ELAVL1: variants seen among roughly 807,000 people sequenced by gnomAD.
ELAVL1 encodes ELAV-like protein 1.
ELAVL1 carries 1 observed loss-of-function variant against 28.4 expected under a neutral mutation model. The observed-to-expected ratio is 0.04, with a 90% confidence interval of 0.01 to 0.17. ELAVL1 has a LOEUF of 0.17. Among genes scored for constraint, ELAVL1 ranks in the 10% least tolerant of loss-of-function variants. The pLI is 1.00. For missense variants in ELAVL1, 157 were observed against 447.2 expected, an observed-to-expected ratio of 0.35 and a Z score of 5.85; for synonymous variants, 174 against 183.5, an observed-to-expected ratio of 0.95 and a Z score of 0.42.
rs558880143 is a variant in ELAVL1, at chr19:7,964,329, T to A, written c.657-522A>T. ...TAGAGCACGCCTTTGCCAGGGCCACTTGTAGGGCACAAGAATTCCTTCCCA... is the reference window on the plus strand; with the variant it reads ...TAGAGCACGCCTTTGCCAGGGCCACATGTAGGGCACAAGAATTCCTTCCCA... On this transcript the variant is annotated intron_variant, in intron 5 of 5. Coordinates refer to ENST00000407627, the MANE Select transcript of ELAVL1 (RefSeq NM_001419.3). 1.6e-4 allele frequency among the ~76,000 whole-genome samples: 24 copies of A among 152,238 alleles called. No homozygotes were observed. The South Asian group carries it at 2.7e-3, about 17-fold the overall frequency.
chr19:7,975,930 C>G (rs1033418720), intron 3 of ELAVL1, among the ~76,000 whole-genome samples: 2 of 151,886 alleles, frequency 1.3e-5, no homozygotes, highest in Admixed American at 6.6e-5. Context: ...AAGACCCCAT[C>G]TCTACAAAAA....
Position 7,960,590 on chromosome 19 carries a change from C to T in ELAVL1, c.*2893G>A, listed in dbSNP as rs901452348. 3 of 152,538 alleles carry T rather than the reference C, an allele frequency of 2.0e-5. No homozygotes were observed. The highest frequency in any genetic ancestry group is 1.9e-4 in the East Asian group (1 of 5,202). 9.4% of individuals were successfully genotyped at this position (152,538 alleles called of 1,614,324 possible). On this transcript the variant is annotated 3_prime_UTR_variant, in exon 6 of 6. Transcript: ENST00000407627. ...TCATCAGGAAGCAGGTTCACAAATT[C>T]GGAGCTGCCTGGGGTCTAACTACCA...
chr19:7,967,999 C>T (rs1984999940), intron 4 of ELAVL1, among the ~76,000 whole-genome samples: 1 of 152,166 alleles, frequency 6.6e-6, no homozygotes, highest in Non-Finnish European at 1.5e-5. Context: ...ACTTTCTTCC[C>T]GGCTGAAGCC....
chr19:7,976,350 C>T (rs1322377019), intron 3 of ELAVL1, among the ~76,000 whole-genome samples: 3 of 151,136 alleles, frequency 2.0e-5, no homozygotes, highest in East Asian at 1.9e-4. Context: ...TGCAGTGAGC[C>T]GAGATCGCGC....
chr19:7,995,798 A>T (rs1441999501), intron 1 of ELAVL1, among the ~76,000 whole-genome samples: 2 of 150,354 alleles, frequency 1.3e-5, no homozygotes, highest in Non-Finnish European at 3.0e-5. Flanking sequence ...AAAAAAAAAA[A>T]TGGATAAACT....
chr19:7,977,472 T>C (rs1291379701), intron 3 of ELAVL1, among the ~76,000 whole-genome samples: 2 of 152,148 alleles, frequency 1.3e-5, no homozygotes, highest in Admixed American at 1.3e-4. Context: ...CAGCCTTTGA[T>C]AAGCACTGGC....
At chr19:8,001,596 T>G (rs2145231367) in intron 1 of ELAVL1, among the ~76,000 whole-genome samples, 1 of 152,296 alleles carries the variant, frequency 6.6e-6, no homozygotes, top group South Asian at 2.1e-4. Context: ...TCTCCTGTGA[T>G]TCCTTCCCCT....
intron 4 of ELAVL1, 107 bp from the exon 5 acceptor site, chr19:7,967,897 G>A: frequency 8.0e-7 from 1 of 1,242,630 alleles, no homozygotes; most frequent in Non-Finnish European, 1.1e-6. Flanking sequence ...CTAGAAGTCT[G>A]GTTAAGGAAA....
At chr19:7,972,126 G>A (rs967423440) in intron 4 of ELAVL1, among the ~76,000 whole-genome samples, 5 of 152,230 alleles carry the variant, frequency 3.3e-5, no homozygotes, top group African/African-American at 9.6e-5. Context: ...CCCATACAAC[G>A]CATGGGCCTC....
At chr19:7,966,559 T>C (rs1984960137) in intron 5 of ELAVL1, among the ~76,000 whole-genome samples, 1 of 152,246 alleles carries the variant, frequency 6.6e-6, no homozygotes, top group African/African-American at 2.4e-5. Flanking sequence ...TGCTGGAAGA[T>C]CTACTCTCAC....
intron 4 of ELAVL1, 45 bp downstream of exon 4, chr19:7,973,680 C>T (rs566075850): frequency 3.8e-6 from 6 of 1,585,984 alleles, no homozygotes; most frequent in East Asian, 2.3e-5. Context: ...ACCCAGCCCC[C>T]ACCTAGAGAA....
At chr19:8,000,163 C>T (rs189713100) in intron 1 of ELAVL1, among the ~76,000 whole-genome samples, 28 of 152,240 alleles carry the variant, frequency 1.8e-4, no homozygotes, top group Admixed American at 1.8e-3. Context: ...GTCAAGTGAT[C>T]CTCCTACCTC....
chr19:8,000,873 G>A (rs1000213826), intron 1 of ELAVL1, among the ~76,000 whole-genome samples: 4 of 152,254 alleles, frequency 2.6e-5, no homozygotes, highest in Non-Finnish European at 5.9e-5. Context: ...GCCCAGTCCA[G>A]GCACCCCACA....
At position 7,960,006 on chromosome 19, in the gene ELAVL1, C is replaced by G. The variant is rs1276697227; in HGVS notation, c.*3477G>C. The G allele has an allele frequency of 6.6e-6, 1 of 152,180 alleles. No individual in the cohort carries two copies. The highest frequency in any genetic ancestry group is 6.5e-5 in the Admixed American group (1 of 15,272). The allele number at this position is 152,180 out of a possible 1,614,324, so 9.4% of individuals were successfully genotyped here. On this transcript the variant is annotated 3_prime_UTR_variant, in exon 6 of 6. Coordinates refer to ENST00000407627, the MANE Select transcript of ELAVL1 (RefSeq NM_001419.3). ...ACATGGAAATAAAAGGGGGCTGAAT[C>G]GGATGTGAAATGTAACAGCTGAGTG...
chr19:7,959,641 G>A lies in ELAVL1; in HGVS notation c.*3842C>T, dbSNP rs1984750866. 6.6e-6 allele frequency: 1 copy of A among 152,180 alleles called. No homozygotes were observed. Among genetic ancestry groups the A allele is most frequent in the African/African-American group, 2.4e-5 (1 of 41,430 alleles). 9.4% of individuals were successfully genotyped at this position (152,180 alleles called of 1,614,324 possible). On this transcript the variant is annotated 3_prime_UTR_variant, in exon 6 of 6. Coordinates refer to ENST00000407627, the MANE Select transcript of ELAVL1 (RefSeq NM_001419.3). ...ATAGGATCCAGCCATTAGAGGTCAG[G>A]GGAAATCAAAAAGGTTTGGAAATGT...
intron 1 of ELAVL1, among the ~76,000 whole-genome samples, chr19:7,992,597 CA>C (rs1252205748): frequency 3.3e-5 from 5 of 151,912 alleles, no homozygotes; most frequent in Non-Finnish European, 7.4e-5. Flanking sequence ...GTGGGGGGGA[CA>C]ACAAATAGTG....
chr19:7,987,428 G>A (rs575273875), intron 2 of ELAVL1, among the ~76,000 whole-genome samples: 27 of 152,278 alleles, frequency 1.8e-4, no homozygotes, highest in Non-Finnish European at 3.4e-4. Flanking sequence ...CAGGACCACC[G>A]GGCGCTGCAG....
intron 4 of ELAVL1, among the ~76,000 whole-genome samples, chr19:7,969,147 G>A (rs1319544852): frequency 2.6e-5 from 4 of 152,290 alleles, no homozygotes; most frequent in South Asian, 2.1e-4. Context: ...CAAGAGAATC[G>A]CCTGAGGCCA....
intron 1 of ELAVL1, among the ~76,000 whole-genome samples, chr19:7,997,199 T>C (rs2081052530): frequency 6.6e-6 from 1 of 152,200 alleles, no homozygotes; most frequent in South Asian, 2.1e-4. Flanking sequence ...CTCCTAGTAT[T>C]AAGGCAATAG....
Sources: gnomAD v4.1 joint callset for allele counts (sites outside exome capture counted in the v4.1 genomes callset) on GRCh38, gnomAD v4.1.1 for gene constraint, MANE v1.5 for transcripts, NCBI Gene and HGNC (gene_info 2026-07-23, HGNC 2026-07-21) for gene names.